PRKD1: variants seen among roughly 807,000 people sequenced by gnomAD.
PRKD1 encodes the protein protein kinase D1.
Under a neutral mutation model 95.9 loss-of-function variants are expected in PRKD1, and 63 were observed. That is an observed-to-expected ratio of 0.66 (90% CI 0.54 to 0.81). PRKD1 has a LOEUF of 0.81. Ranked by LOEUF, PRKD1 falls within the 30% of genes least tolerant of loss-of-function variation. The pLI is 0.00. For synonymous variants in PRKD1, 425 were observed against 423.1 expected, an observed-to-expected ratio of 1.00 and a Z score of -0.05; for missense variants, 1,048 against 1,165.3, an observed-to-expected ratio of 0.90 and a Z score of 1.47.
intron 1 of PRKD1, among the ~76,000 whole-genome samples, chr14:29,919,181 T>C (rs191146357): frequency 5.9e-5 from 9 of 152,330 alleles, no homozygotes; most frequent in Non-Finnish European, 1.2e-4. Flanking sequence ...TCCTGTGTGA[T>C]TGCATATTTT....
chr14:29,920,975 T>C (rs1481328570), intron 1 of PRKD1, among the ~76,000 whole-genome samples: 1 of 152,212 alleles, frequency 6.6e-6, no homozygotes, highest in Non-Finnish European at 1.5e-5. Context: ...CCTTCTCATG[T>C]ATCAAGCGAT....
intron 1 of PRKD1, among the ~76,000 whole-genome samples, chr14:29,878,667 A>T (rs1893392399): frequency 6.6e-6 from 1 of 152,204 alleles, no homozygotes; most frequent in Non-Finnish European, 1.5e-5. Context: ...AAGAATGAAC[A>T]TTGTATGATT....
intron 16 of PRKD1, among the ~76,000 whole-genome samples, chr14:29,586,810 A>G (rs772166177): frequency 1.3e-5 from 2 of 152,016 alleles, no homozygotes; most frequent in Non-Finnish European, 2.9e-5. Context: ...TTTTTAGTAG[A>G]GATGGGGTTT....
intron 13 of PRKD1, among the ~76,000 whole-genome samples, chr14:29,601,982 T>C (rs2139021068): frequency 6.6e-6 from 1 of 152,332 alleles, no homozygotes; most frequent in Admixed American, 6.5e-5. Flanking sequence ...AAGTCCACTA[T>C]GATATGTGCA....
intron 2 of PRKD1, among the ~76,000 whole-genome samples, chr14:29,691,266 G>A (rs78634945): frequency 0.023 from 3,541 of 152,334 alleles, 58 homozygotes; most frequent in Non-Finnish European, 0.033. Context: ...CCCATGGCCA[G>A]TGGTTCTATA....
intron 2 of PRKD1, among the ~76,000 whole-genome samples, chr14:29,681,557 G>A (rs1441207765): frequency 6.6e-6 from 1 of 152,128 alleles, no homozygotes; most frequent in African/African-American, 2.4e-5. Context: ...GTCTGCATGG[G>A]ACCAACTCTC....
chr14:29,855,843 T>C (rs1188671528), intron 1 of PRKD1, among the ~76,000 whole-genome samples: 1 of 152,160 alleles, frequency 6.6e-6, no homozygotes, highest in Non-Finnish European at 1.5e-5. Context: ...CTCTCTCTCT[T>C]TGCCTGCTGC....
chr14:29,660,191 C>T (rs1274677773), intron 4 of PRKD1, among the ~76,000 whole-genome samples: 1 of 152,190 alleles, frequency 6.6e-6, no homozygotes, highest in Non-Finnish European at 1.5e-5. Flanking sequence ...AGCAGTTTTT[C>T]CCTTGTCATA....
chr14:29,577,598 A>G, intron 17 of PRKD1, 142 bp from the exon 18 acceptor site: 1 of 801,702 alleles, frequency 1.2e-6, no homozygotes, highest in Non-Finnish European at 2.0e-6. Flanking sequence ...CGCATCCTCA[A>G]GTGACAGTGT....
In PRKD1 at chr14:29,842,629, T is replaced by C. The variant is rs968596204; in HGVS notation, c.264+84620A>G. Reference sequence around the variant, plus strand: ...GTTTAGATATTTAAAGGCTATGTTATTTGGGTATACATACCATCCAAACTG... The same window carrying C: ...GTTTAGATATTTAAAGGCTATGTTACTTGGGTATACATACCATCCAAACTG... On this transcript the variant is annotated intron_variant, in intron 1 of 17. Transcript: ENST00000331968. 7.2e-5 allele frequency among the ~76,000 whole-genome samples: 11 copies of C among 152,352 alleles called. No individual in the cohort carries two copies. The South Asian group carries it at 8.3e-4, about 11-fold the overall frequency.
At chr14:29,696,133 C>T (rs570743548) in intron 2 of PRKD1, among the ~76,000 whole-genome samples, 2 of 152,098 alleles carry the variant, frequency 1.3e-5, no homozygotes, top group Admixed American at 1.3e-4. Flanking sequence ...TAGAGTGACT[C>T]GGGATAGTCT....
intron 1 of PRKD1, among the ~76,000 whole-genome samples, chr14:29,797,694 A>G (rs1889874688): frequency 6.6e-6 from 1 of 152,168 alleles, no homozygotes. Flanking sequence ...GCACTGCTAC[A>G]GACACACACA....
At chr14:29,808,543 G>T (rs1202392786) in intron 1 of PRKD1, among the ~76,000 whole-genome samples, 2 of 151,104 alleles carry the variant, frequency 1.3e-5, no homozygotes, top group African/African-American at 2.4e-5. Flanking sequence ...GGGATTACAG[G>T]CACCTGCCAC....
chr14:29,741,373 A>G (rs1886972978), intron 1 of PRKD1, among the ~76,000 whole-genome samples: 1 of 152,206 alleles, frequency 6.6e-6, no homozygotes, highest in Non-Finnish European at 1.5e-5. Flanking sequence ...TACATATATG[A>G]CATATGTCAT....
intron 1 of PRKD1, among the ~76,000 whole-genome samples, chr14:29,759,821 G>C (rs1887891032): frequency 6.6e-6 from 1 of 152,174 alleles, no homozygotes; most frequent in South Asian, 2.1e-4. Context: ...AAACTCTCAA[G>C]AGAGCATTCA....
intron 1 of PRKD1, among the ~76,000 whole-genome samples, chr14:29,774,195 G>A (rs924302100): frequency 6.6e-6 from 1 of 152,224 alleles, no homozygotes; most frequent in Non-Finnish European, 1.5e-5. Flanking sequence ...GGAAGCTAGT[G>A]TGGCACCTGC....
intron 1 of PRKD1, among the ~76,000 whole-genome samples, chr14:29,912,370 A>C (rs1481026185): frequency 6.6e-6 from 1 of 152,240 alleles, no homozygotes; most frequent in African/African-American, 2.4e-5. Context: ...GAAAATTCTA[A>C]ACAGGAATGA....
intron 1 of PRKD1, 97 bp downstream of exon 1, chr14:29,927,152 G>T: frequency 8.0e-7 from 1 of 1,252,640 alleles, no homozygotes; most frequent in Non-Finnish European, 1.0e-6. Context: ...GGCCAGCCGA[G>T]CCCCGGGAGC....
At chr14:29,690,969 C>CT (rs1225582264) in intron 2 of PRKD1, among the ~76,000 whole-genome samples, 19 of 152,246 alleles carry the variant, frequency 1.2e-4, no homozygotes, top group African/African-American at 4.3e-4. Context: ...TGTATGATAA[C>CT]TGGTGAATCA....
Sources: gnomAD v4.1 joint callset for allele counts (sites outside exome capture counted in the v4.1 genomes callset) on GRCh38, gnomAD v4.1.1 for gene constraint, MANE v1.5 for transcripts, NCBI Gene and HGNC (gene_info 2026-07-23, HGNC 2026-07-21) for gene names.